Variants in IL5RA observed in about 807,000 individuals in gnomAD.
IL5RA encodes interleukin-5 receptor subunit alpha.
In IL5RA, 49 loss-of-function variants were observed where a neutral mutation model predicts 50.0. That is an observed-to-expected ratio of 0.98 (90% CI 0.78 to 1.24). The LOEUF (loss-of-function observed/expected upper bound fraction) is 1.24. IL5RA is among the 50% of genes most tolerant of loss of function. The pLI is 0.00. For missense variants in IL5RA, 600 were observed against 500.4 expected (o/e 1.20, Z -1.90); for synonymous variants, 202 against 174.0 (o/e 1.16, Z -1.26).
rs149496453 is a variant in IL5RA at position 3,069,043 on chromosome 3, C to A, written c.*1182G>T. 2,117 of 152,274 alleles carry A rather than the reference C, an allele frequency of 0.014. 20 individuals carry two copies. The highest frequency in any genetic ancestry group is 0.027 in the Middle Eastern group (8 of 294). The allele number at this position is 152,274 out of a possible 1,614,324, so 9.4% of individuals were successfully genotyped here. ...TGGATCAAAACTGACTAAAACACCTCCAGAAAGCATTTAAAGAGTGTGCCA... is the reference window on the plus strand; with the variant it reads ...TGGATCAAAACTGACTAAAACACCTACAGAAAGCATTTAAAGAGTGTGCCA... On this transcript the variant is annotated 3_prime_UTR_variant, in exon 12 of 12. Coordinates refer to ENST00000446632, the MANE Select transcript of IL5RA (RefSeq NM_175726.4).
chr3:3,086,166 C>T (rs180795130), intron 9 of IL5RA, among the ~76,000 whole-genome samples: 1 of 152,314 alleles, frequency 6.6e-6, no homozygotes, highest in South Asian at 2.1e-4. Flanking sequence ...TGATCCTGAC[C>T]AAAGACACGG....
chr3:3,090,068 G>A (rs907800344), intron 9 of IL5RA: 7 of 750,854 alleles, frequency 9.3e-6, no homozygotes, highest in Non-Finnish European at 2.1e-6. Flanking sequence ...GCAGAACAGA[G>A]TTAAGCCAAT....
chr3:3,089,902 C>T (rs189623905), intron 9 of IL5RA: 38 of 240,344 alleles, frequency 1.6e-4, no homozygotes, highest in African/African-American at 4.9e-4. Flanking sequence ...TGTGAGCCAC[C>T]GCACCCATCC....
rs373558272 is a variant in IL5RA, at chr3:3,092,504, G to A, written c.856-142C>T. 1.0e-5 allele frequency: 8 copies of A among 766,034 alleles called. No individual in the cohort carries two copies. The highest frequency in any genetic ancestry group is 3.5e-5 in the African/African-American group (2 of 57,590). 47.5% of individuals were successfully genotyped at this position (766,034 alleles called of 1,614,324 possible). A position where few individuals can be genotyped will look rare whatever the true frequency, so the allele number is the denominator to read the frequency against. On this transcript the variant is annotated intron_variant, in intron 8 of 11. Coordinates refer to ENST00000446632, the MANE Select transcript of IL5RA (RefSeq NM_175726.4). The surrounding 1 kb of genome is among the most constrained non-coding windows in gnomAD (Gnocchi z 4.2). ...AAATCAACAGGGCACACATTAATTC[G>A]TTTATGCTAGGTGCGTTAGTGTGGA... is the stretch of plus-strand genomic sequence containing the variant.
chr3:3,080,496 C>G (rs1702627022), intron 9 of IL5RA, among the ~76,000 whole-genome samples: 1 of 152,302 alleles, frequency 6.6e-6, no homozygotes, highest in South Asian at 2.1e-4. Context: ...TGAGAACTCT[C>G]CTGAGCATGA....
At chr3:3,098,726 C>A (rs900971315) in intron 5 of IL5RA, among the ~76,000 whole-genome samples, 4 of 152,116 alleles carry the variant, frequency 2.6e-5, no homozygotes, top group African/African-American at 9.7e-5. Flanking sequence ...TTTCTAGAAA[C>A]CTACTAACTA....
intron 2 of IL5RA, among the ~76,000 whole-genome samples, chr3:3,106,644 A>G (rs1164981064): frequency 6.6e-6 from 1 of 152,180 alleles, no homozygotes; most frequent in South Asian, 2.1e-4. Context: ...ATTTTAATGA[A>G]TTAAGGGAAA....
intron 9 of IL5RA, among the ~76,000 whole-genome samples, chr3:3,079,491 A>C (rs1232673014): frequency 6.6e-6 from 1 of 152,034 alleles, no homozygotes; most frequent in Non-Finnish European, 1.5e-5. Flanking sequence ...GTACCCAGTG[A>C]TTAGTGCCGG....
At chr3:3,072,861 G>A (rs1386544956) in intron 11 of IL5RA, among the ~76,000 whole-genome samples, 2 of 152,170 alleles carry the variant, frequency 1.3e-5, no homozygotes, top group Admixed American at 6.5e-5. Flanking sequence ...GCAGTGAGCC[G>A]AGATGGTTCC....
chr3:3,094,847 GC>G (rs977218949), intron 8 of IL5RA, among the ~76,000 whole-genome samples: 1 of 151,968 alleles, frequency 6.6e-6, no homozygotes, highest in African/African-American at 2.4e-5. Context: ...CTCAGCCCCT[GC>G]CCCCGAGTAG....
chr3:3,102,748 G>C lies in IL5RA; in HGVS notation c.155C>G (p.Pro52Arg). The change falls in exon 4 of 12, where the codon CCA becomes CGA. Residue 52 changes from proline (P) to arginine (R), a missense_variant. Pro to Arg is a moderately radical substitution (Grantham distance 103). Coordinates refer to ENST00000446632, the MANE Select transcript of IL5RA (RefSeq NM_175726.4). ...ATTCCTTTGCTCTTGATCAGGATTT[G>C]GTTTCCATTGTAAAAGAACTTGAGC... Reference protein sequence around the residue: ...GLAQVLLQWKPNPDQEQRNVN... With the variant: ...GLAQVLLQWKRNPDQEQRNVN... 1.2e-6 allele frequency: 2 copies of C among 1,609,112 alleles called. No individual in the cohort carries two copies. The highest frequency in any genetic ancestry group is 1.7e-6 in the Non-Finnish European group (2 of 1,176,164).
At position 3,092,460 on chromosome 3, in the gene IL5RA, C is replaced by T. The variant is rs1703169918; in HGVS notation, c.856-98G>A. On this transcript the variant is annotated intron_variant, in intron 8 of 11. Coordinates refer to ENST00000446632, the MANE Select transcript of IL5RA (RefSeq NM_175726.4). The surrounding 1 kb of genome is among the most constrained non-coding windows in gnomAD (Gnocchi z 4.2). The stretch of plus-strand genomic sequence containing the variant: ...GGTCCTATATAGGTCATGTGACTCA[C>T]TGTTCAGCAAGTCCTTTAAAATCAA... The T allele has an allele frequency of 1.8e-6, 2 of 1,110,470 alleles. No homozygotes were observed. The highest frequency in any genetic ancestry group is 1.5e-5 in the African/African-American group (1 of 64,746). The allele number at this position is 1,110,470 out of a possible 1,614,324, so 68.8% of individuals were successfully genotyped here. A position where few individuals can be genotyped will look rare whatever the true frequency, so the allele number is the denominator to read the frequency against.
chr3:3,102,186 A>G (rs1471408012), intron 4 of IL5RA, among the ~76,000 whole-genome samples: 2 of 152,228 alleles, frequency 1.3e-5, no homozygotes, highest in Non-Finnish European at 2.9e-5. Flanking sequence ...TTTATTGCAC[A>G]CCTAATATGT....
intron 9 of IL5RA, among the ~76,000 whole-genome samples, chr3:3,088,069 G>A (rs980580853): frequency 1.1e-4 from 17 of 152,290 alleles, no homozygotes; most frequent in Admixed American, 8.5e-4. Flanking sequence ...TAATGGCAAC[G>A]AGGTACACCT....
chr3:3,078,831 T>C (rs1339058818), intron 9 of IL5RA, among the ~76,000 whole-genome samples: 2 of 74,620 alleles, frequency 2.7e-5, no homozygotes, highest in Non-Finnish European at 5.1e-5. Context: ...CGAGACTCCG[T>C]CTCAAAAAAA....
rs762216058 is a variant in IL5RA at position 3,097,860 on chromosome 3, T to C, written c.709+10A>G. 1.9e-6 allele frequency: 3 copies of C among 1,606,404 alleles called. No individual in the cohort carries two copies. The stretch of plus-strand genomic sequence containing the variant: ...TCAGTTATTTCAGCTTTGGGTTAAG[T>C]CGGTCTTACCAATGGCGTGAAGGGC... On this transcript the variant is annotated intron_variant, in intron 7 of 11. Coordinates refer to ENST00000446632, the MANE Select transcript of IL5RA (RefSeq NM_175726.4).
At chr3:3,082,436 A>G (rs956265507) in intron 9 of IL5RA, among the ~76,000 whole-genome samples, 4 of 152,226 alleles carry the variant, frequency 2.6e-5, no homozygotes, top group African/African-American at 9.6e-5. Context: ...CACACAGCCT[A>G]TTCTTGTAAG....
chr3:3,105,685 C>T (rs770709869), intron 2 of IL5RA: 1 of 147,168 alleles, frequency 6.8e-6, no homozygotes, highest in Non-Finnish European at 1.5e-5. Context: ...AGTGATAGAC[C>T]TGGGGAAAAT....
rs569614945 is a variant in IL5RA at position 3,089,330 on chromosome 3, C to T, written c.994+2894G>A. Among the ~76,000 whole-genome samples the T allele has an allele frequency of 3.7e-4, 56 of 152,326 alleles. No homozygotes were observed. In the Middle Eastern group the frequency reaches 0.031, roughly 83 times the overall value. On this transcript the variant is annotated intron_variant, in intron 9 of 11. Coordinates refer to ENST00000446632, the MANE Select transcript of IL5RA (RefSeq NM_175726.4). ...TCGGTAACTTAGCACGACCAGCCCCCTGGCAGATTCAGAACAGTTCTCCAT... is the reference window on the plus strand; with the variant it reads ...TCGGTAACTTAGCACGACCAGCCCCTTGGCAGATTCAGAACAGTTCTCCAT...
Sources: allele counts gnomAD v4.1 joint callset (sites outside exome capture counted in the v4.1 genomes callset), GRCh38; gene constraint gnomAD v4.1.1; non-coding constraint Gnocchi (gnomAD v3.1); transcripts MANE v1.5; gene names NCBI Gene and HGNC (gene_info 2026-07-23, HGNC 2026-07-21).